SLC28A3: variants seen among roughly 807,000 people sequenced by gnomAD.
SLC28A3 encodes concentrative Na(+)-nucleoside cotransporter 3.
A neutral mutation model predicts 84.2 loss-of-function variants in SLC28A3; 68 were observed. The observed-to-expected ratio is 0.81, with a 90% confidence interval of 0.66 to 0.99. The LOEUF is 0.99. SLC28A3 is among the 50% of genes least tolerant of loss of function. The pLI, the probability that SLC28A3 is intolerant of heterozygous loss-of-function variation, is 0.00. For missense variants in SLC28A3, 712 were observed against 841.5 expected (o/e 0.85, Z 1.90); for synonymous variants, 267 against 303.6 (o/e 0.88, Z 1.25).
chr9:84,294,364 C>G, intron 8 of SLC28A3, 89 bp from the exon 9 acceptor site: 1 of 1,196,142 alleles, frequency 8.4e-7, no homozygotes, highest in Non-Finnish European at 1.2e-6. Flanking sequence ...CTCCTTTTCT[C>G]CCTCTGAAAC....
the SLC28A3 span, among the ~76,000 whole-genome samples, chr9:84,358,785 C>T: frequency 6.6e-6 from 1 of 152,060 alleles, no homozygotes; most frequent in Non-Finnish European, 1.5e-5. Context: ...GGAAAGAAGA[C>T]ATTTTCTAAG....
At chr9:84,292,534 C>G in intron 10 of SLC28A3, 134 bp downstream of exon 10, 1 of 610,778 alleles carries the variant, frequency 1.6e-6, no homozygotes, top group Non-Finnish European at 2.8e-6. Flanking sequence ...CGGACATTGC[C>G]AATACTGGGG....
chr9:84,363,486 A>C, the SLC28A3 span, among the ~76,000 whole-genome samples: 1 of 152,198 alleles, frequency 6.6e-6, no homozygotes, highest in Admixed American at 6.5e-5. Flanking sequence ...ACAGCAAGCA[A>C]GGTGCTCTAG....
chr9:84,320,572 G>A (rs1826342455), intron 1 of SLC28A3, among the ~76,000 whole-genome samples: 1 of 152,050 alleles, frequency 6.6e-6, no homozygotes, highest in South Asian at 2.1e-4. Context: ...GCTTAACTCT[G>A]AATGTTATAT....
chr9:84,292,831 G>C (rs11568419), intron 9 of SLC28A3, 83 bp from the exon 10 acceptor site: 2 of 914,356 alleles, frequency 2.2e-6, no homozygotes, highest in Non-Finnish European at 1.6e-6. Flanking sequence ...TCCTTAAACT[G>C]GTGTAAAATA....
At chr9:84,313,488 G>T (rs10780662) in intron 1 of SLC28A3, 34 bp from the exon 2 acceptor site, 1 of 1,566,130 alleles carries the variant, frequency 6.4e-7, no homozygotes, top group Non-Finnish European at 8.8e-7. Context: ...AAAATAAAAA[G>T]TTACAGCCAA....
upstream of SLC28A3, among the ~76,000 whole-genome samples, chr9:84,341,140 A>C (rs558042740): frequency 1.3e-5 from 2 of 151,942 alleles, no homozygotes; most frequent in East Asian, 3.9e-4. Flanking sequence ...CACCTGGCTG[A>C]CTTTATTTTT....
intron 10 of SLC28A3, 135 bp from the exon 11 acceptor site, chr9:84,290,414 C>T (rs950462075): frequency 3.7e-6 from 4 of 1,073,556 alleles, no homozygotes; most frequent in Non-Finnish European, 5.1e-6. Context: ...GCTCCATCAG[C>T]GTCACCTGGA....
At chr9:84,280,195 CT>C in intron 15 of SLC28A3, 122 bp from the exon 16 acceptor site, 2 of 715,192 alleles carry the variant, frequency 2.8e-6, no homozygotes, top group Non-Finnish European at 4.4e-6. Context: ...TTTTCTTTAA[CT>C]TAGCTGGGAA....
In SLC28A3 at chr9:84,300,506, A is replaced by C. The variant is rs990494863; in HGVS notation, c.525-781T>G. Among the ~76,000 whole-genome samples the C allele has an allele frequency of 3.9e-5, 6 of 152,374 alleles. No individual in the cohort carries two copies. The South Asian group carries it at 1.0e-3, about 26-fold the overall frequency. On this transcript the variant is annotated intron_variant, in intron 5 of 17. Coordinates refer to ENST00000376238, the MANE Select transcript of SLC28A3 (RefSeq NM_001199633.2). ...GGCTCCTCTGGGGAGCCCAGCAAGC[A>C]TGACAAATCTGACTCAGGACTCACG... is the stretch of plus-strand genomic sequence containing the variant.
At chr9:84,322,286 C>T (rs573687376) in intron 1 of SLC28A3, among the ~76,000 whole-genome samples, 8 of 152,268 alleles carry the variant, frequency 5.3e-5, no homozygotes, top group African/African-American at 1.9e-4. Flanking sequence ...TGTAAAGAGA[C>T]ATTGGACATC....
intron 2 of SLC28A3, among the ~76,000 whole-genome samples, chr9:84,312,337 T>C (rs1226516140): frequency 6.6e-6 from 1 of 152,192 alleles, no homozygotes; most frequent in African/African-American, 2.4e-5. Flanking sequence ...ACAGATGACA[T>C]ATGCATGTGG....
At chr9:84,319,969 A>G (rs879599198) in intron 1 of SLC28A3, among the ~76,000 whole-genome samples, 3 of 150,608 alleles carry the variant, frequency 2.0e-5, no homozygotes, top group South Asian at 2.1e-4. Context: ...AAATTCATAG[A>G]TAAGTATCCT....
Position 84,278,072 on chromosome 9 carries a change from A to T in SLC28A3, c.*146T>A, listed in dbSNP as rs1824587974. 2 of 1,067,668 alleles carry T rather than the reference A, an allele frequency of 1.9e-6. No homozygotes were observed. Among genetic ancestry groups the T allele is most frequent in the Admixed American group, 5.8e-5 (2 of 34,572 alleles). The allele number at this position is 1,067,668 out of a possible 1,614,324, so 66.1% of individuals were successfully genotyped here. The stretch of plus-strand genomic sequence containing the variant: ...GAAAATGTTGTAGCTTTGAAGGTCC[A>T]CTCTTGTTTTTCTTCATTCCTTGCA... On this transcript the variant is annotated 3_prime_UTR_variant, in exon 18 of 18. Transcript: ENST00000376238.
At chr9:84,279,039 G>C (rs1469390810) in intron 17 of SLC28A3, among the ~76,000 whole-genome samples, 1 of 152,100 alleles carries the variant, frequency 6.6e-6, no homozygotes, top group Non-Finnish European at 1.5e-5. Flanking sequence ...AAAAGTCAGA[G>C]TGAAAGGTGG....
At chr9:84,364,563 T>C in the SLC28A3 span, among the ~76,000 whole-genome samples, 5 of 152,118 alleles carry the variant, frequency 3.3e-5, no homozygotes, top group Admixed American at 3.3e-4. Flanking sequence ...TACAGTTAAG[T>C]AATTATTAAC....
At chr9:84,345,295 A>G (rs1236475748), upstream of SLC28A3, among the ~76,000 whole-genome samples, 1 of 152,174 alleles carries the variant, frequency 6.6e-6, no homozygotes, top group Non-Finnish European at 1.5e-5. Flanking sequence ...ATAGACAGCA[A>G]ATATTTGGGA....
chr9:84,340,382 G>A (rs906252537), intron 1 of SLC28A3, among the ~76,000 whole-genome samples, 192 bp downstream of exon 1: 8 of 152,090 alleles, frequency 5.3e-5, no homozygotes, highest in Non-Finnish European at 8.8e-5. Context: ...ACAACACATC[G>A]ATTAAAAGAG....
chr9:84,309,708 C>G lies in SLC28A3; in HGVS notation c.163G>C (p.Glu55Gln). 1 of 1,613,616 alleles carries G rather than the reference C, an allele frequency of 6.2e-7. No individual in the cohort carries two copies. Among genetic ancestry groups the G allele is most frequent in the Admixed American group, 1.7e-5 (1 of 59,954 alleles). Residue 55 changes from glutamate to glutamine, a missense_variant, in exon 3 of 18, where the codon GAA becomes CAA. Glu to Gln is a conservative substitution (Grantham distance 29). Transcript: ENST00000376238. Reference protein sequence around the residue: ...REHTNTKQDEEQVTVEQDSPR... With the variant: ...REHTNTKQDEQQVTVEQDSPR... The stretch of plus-strand genomic sequence containing the variant: ...GAATCCTGCTCAACTGTGACCTGTT[C>G]TTCATCCTGGAAATCAAACATTGGA...
Sources: gnomAD v4.1 joint callset for allele counts (sites outside exome capture counted in the v4.1 genomes callset) on GRCh38, gnomAD v4.1.1 for gene constraint, MANE v1.5 for transcripts, NCBI Gene and HGNC (gene_info 2026-07-23, HGNC 2026-07-21) for gene names.